The following CDH11 variants were observed in gnomAD, a reference collection of about 807,000 sequenced individuals.
The protein encoded by CDH11 is cadherin 11, also known as cadherin-11.
Under a neutral mutation model 67.8 loss-of-function variants are expected in CDH11, and 11 were observed. The ratio of observed to expected loss-of-function variants is 0.16; its 90% CI spans 0.10 to 0.27. CDH11 has a LOEUF of 0.27. Ranked by LOEUF, CDH11 falls within the 10% of genes least tolerant of loss-of-function variation. The pLI is 1.00. For missense variants in CDH11, 847 were observed against 1,031.2 expected, an observed-to-expected ratio of 0.82 and a Z score of 2.45; for synonymous variants, 419 against 400.0, an observed-to-expected ratio of 1.05 and a Z score of -0.57.
chr16:64,993,215 TTCC>T, intron 4 of CDH11, among the ~76,000 whole-genome samples, 181 bp from the exon 5 acceptor site: 1 of 151,868 alleles, frequency 6.6e-6, no homozygotes, highest in Admixed American at 6.6e-5. Flanking sequence ...CCTTCCTTCC[TTCC>T]TTCCTTCCTT....
intron 2 of CDH11, among the ~76,000 whole-genome samples, chr16:65,026,938 T>A (rs1046251830): frequency 3.9e-5 from 6 of 152,218 alleles, no homozygotes; most frequent in Non-Finnish European, 8.8e-5. Context: ...TATCTTCTAA[T>A]AAATGGACCC....
intron 11 of CDH11, among the ~76,000 whole-genome samples, chr16:64,962,340 T>C (rs1166848020): frequency 6.6e-6 from 1 of 152,108 alleles, no homozygotes; most frequent in Non-Finnish European, 1.5e-5. Flanking sequence ...CAACTTTTCC[T>C]AGATTCATAA....
intron 1 of CDH11, among the ~76,000 whole-genome samples, chr16:65,101,496 T>A (rs976169773): frequency 1.6e-4 from 25 of 152,172 alleles, no homozygotes; most frequent in Non-Finnish European, 1.5e-5. Context: ...TACTTTCCTA[T>A]CTCCATTTAT....
Position 64,982,259 on chromosome 16 carries a change from C to T in CDH11, c.1042G>A (p.Glu348Lys). ...GGGTCGATGTGCACGTTGGCTGCCT[C>T]TACCTTCAAGCTATAGGCTCTTTTG... The part of the protein sequence containing the change: ...ETKRAYSLKV[E>K]AANVHIDPKF... The change falls in exon 8 of 13, where the codon GAG becomes AAG. Residue 348 changes from glutamate to lysine, a missense_variant. Physicochemically the swap from Glu to Lys is moderately conservative, Grantham distance 56 (BLOSUM62 1). This residue lies in a region of CDH11 where 612 missense variants were observed against 678.7 expected (regional missense o/e 0.90). Transcript: ENST00000268603. 1 of 1,612,750 alleles carries T rather than the reference C, an allele frequency of 6.2e-7. No homozygotes were observed. Among genetic ancestry groups the T allele is most frequent in the Non-Finnish European group, 8.5e-7 (1 of 1,178,744 alleles).
chr16:65,023,382 A>G (rs767368372), intron 2 of CDH11, among the ~76,000 whole-genome samples: 2 of 152,204 alleles, frequency 1.3e-5, no homozygotes, highest in African/African-American at 2.4e-5. Flanking sequence ...GGGAGTCTAC[A>G]TTGCCTCTTC....
chr16:64,991,969 C>T (rs760360809), intron 5 of CDH11, 34 bp from the exon 6 acceptor site: 67 of 1,485,374 alleles, frequency 4.5e-5, no homozygotes, highest in Non-Finnish European at 5.5e-5. Context: ...CACAGATATT[C>T]GTTTATAACA....
At chr16:64,982,806 A>G (rs1222930627) in intron 7 of CDH11, 1 of 154,548 alleles carries the variant, frequency 6.5e-6, no homozygotes, top group African/African-American at 2.4e-5. Flanking sequence ...GTTGTTTCCC[A>G]ATGTCTGGGA....
intron 1 of CDH11, among the ~76,000 whole-genome samples, chr16:65,068,393 C>A (rs115040053): frequency 3.3e-5 from 4 of 120,286 alleles, no homozygotes; most frequent in Non-Finnish European, 6.4e-5. Flanking sequence ...AGGGAGCTCC[C>A]GAAATAAGAT....
At chr16:64,993,207 T>TTCCTTCCTTCCTTCCTTCCTTCCA (rs1473348814) in intron 4 of CDH11, among the ~76,000 whole-genome samples, 173 bp from the exon 5 acceptor site, 1 of 151,470 alleles carries the variant, frequency 6.6e-6, no homozygotes. Flanking sequence ...CCTTCCTTCC[T>TTCCTTCCTTCCTTCCTTCCTTCCA]TCCTTCCTTC....
intron 2 of CDH11, among the ~76,000 whole-genome samples, chr16:65,033,402 T>A (rs906426538): frequency 6.6e-6 from 1 of 152,216 alleles, no homozygotes; most frequent in African/African-American, 2.4e-5. Flanking sequence ...TGAAGCTACA[T>A]TCATTTTCCC....
In CDH11 at chr16:65,031,593, T is replaced by C. The variant is rs143830044; in HGVS notation, c.-173+22211A>G. On this transcript the variant is annotated intron_variant, in intron 2 of 12. Coordinates refer to ENST00000268603, the MANE Select transcript of CDH11 (RefSeq NM_001797.4). ...ACAGCAGGAGCAAATATTTAAGACA[T>C]GAAATAAGATCCTATGTTCAGGTAA... is the stretch of plus-strand genomic sequence containing the variant. Among the ~76,000 whole-genome samples the C allele has an allele frequency of 2.0e-5, 3 of 152,110 alleles. No individual in the cohort carries two copies. The East Asian group carries it at 5.8e-4, about 29-fold the overall frequency.
chr16:65,013,907 T>C (rs999085882), intron 2 of CDH11, among the ~76,000 whole-genome samples: 1 of 152,094 alleles, frequency 6.6e-6, no homozygotes, highest in Admixed American at 6.6e-5. Flanking sequence ...AGACAATGTG[T>C]GTACTTTGTA....
intron 2 of CDH11, among the ~76,000 whole-genome samples, chr16:65,019,583 G>T (rs2073381013): frequency 6.6e-6 from 1 of 152,022 alleles, no homozygotes; most frequent in South Asian, 2.1e-4. Flanking sequence ...ATTTATTCAA[G>T]TTTAATTCGT....
At chr16:65,053,710 C>A (rs1597138816) in intron 2 of CDH11, 94 bp downstream of exon 2, 1 of 428,540 alleles carries the variant, frequency 2.3e-6, no homozygotes. Context: ...AGGTCCAAAT[C>A]AAGCCACATT....
At chr16:64,963,939 T>A (rs2071743010) in intron 11 of CDH11, among the ~76,000 whole-genome samples, 1 of 152,164 alleles carries the variant, frequency 6.6e-6, no homozygotes, top group Admixed American at 6.5e-5. Context: ...TAGGCCTGCC[T>A]TGTAAGAAAT....
chr16:65,097,234 A>G (rs985108620), intron 1 of CDH11, among the ~76,000 whole-genome samples: 4 of 152,240 alleles, frequency 2.6e-5, no homozygotes, highest in African/African-American at 9.6e-5. Flanking sequence ...GTTGTAAAGA[A>G]CAAGGTTGGG....
intron 6 of CDH11, among the ~76,000 whole-genome samples, chr16:64,989,107 CAA>C (rs2072565167): frequency 6.6e-6 from 1 of 151,950 alleles, no homozygotes; most frequent in Admixed American, 6.6e-5. Context: ...AAAATAAAAA[CAA>C]ATGTAAACAC....
In CDH11 at chr16:64,947,268, G is replaced by T. The variant is rs1223253040; in HGVS notation, c.*335C>A. 7 of 1,109,280 alleles carry T rather than the reference G, an allele frequency of 6.3e-6. No homozygotes were observed. Among genetic ancestry groups the T allele is most frequent in the African/African-American group, 1.6e-5 (1 of 62,078 alleles). 68.7% of individuals were successfully genotyped at this position (1,109,280 alleles called of 1,614,324 possible). On this transcript the variant is annotated 3_prime_UTR_variant, in exon 13 of 13. Coordinates refer to ENST00000268603, the MANE Select transcript of CDH11 (RefSeq NM_001797.4). ...GCTTCTTTGACAACTTAAAAAAGAA[G>T]AAAGACTTGGATGTTCATAACACAT...
chr16:65,106,266 T>G (rs1224235666), intron 1 of CDH11, among the ~76,000 whole-genome samples: 14 of 152,152 alleles, frequency 9.2e-5, no homozygotes, highest in Admixed American at 9.2e-4. Context: ...GAGGAGTGAG[T>G]TCCTTCTTGT....
Sources: gnomAD v4.1 joint callset for allele counts (sites outside exome capture counted in the v4.1 genomes callset) on GRCh38, gnomAD v4.1.1 for gene constraint, gnomAD v4.1.1 regional missense constraint, MANE v1.5 for transcripts, NCBI Gene and HGNC (gene_info 2026-07-23, HGNC 2026-07-21) for gene names.